Variants in TRIM52 observed in about 807,000 individuals in gnomAD.
TRIM52 encodes the protein tripartite motif containing 52.
Under a neutral mutation model 27.0 loss-of-function variants are expected in TRIM52, and 24 were observed. The ratio of observed to expected loss-of-function variants is 0.89; its 90% CI spans 0.64 to 1.25. The LOEUF (loss-of-function observed/expected upper bound fraction) is 1.25. Among genes scored for constraint, TRIM52 ranks in the 50% most tolerant of loss-of-function variants. The pLI is 0.00. For missense variants in TRIM52, 351 were observed against 354.7 expected, an observed-to-expected ratio of 0.99 and a Z score of 0.08; for synonymous variants, 125 against 126.5, an observed-to-expected ratio of 0.99 and a Z score of 0.08.
At chr5:181,250,301 C>G (rs1759609780), downstream of TRIM52, among the ~76,000 whole-genome samples, 1 of 152,030 alleles carries the variant, frequency 6.6e-6, no homozygotes, top group Non-Finnish European at 1.5e-5. Flanking sequence ...TTTGGGAGGC[C>G]AAGGCAGGTG....
At chr5:181,259,903 G>A in intron 1 of TRIM52, 98 bp downstream of exon 1, 2 of 1,593,210 alleles carry the variant, frequency 1.3e-6, no homozygotes, top group Non-Finnish European at 1.7e-6. Flanking sequence ...TAGCAACTAA[G>A]TACCTGAGGA....
At chr5:181,257,045 C>G (rs1759812062) in intron 1 of TRIM52, 186 bp from the exon 2 acceptor site, 2 of 994,480 alleles carry the variant, frequency 2.0e-6, no homozygotes, top group Non-Finnish European at 2.4e-6. Flanking sequence ...ATCCAGGCAT[C>G]CAGTTATGCC....
Position 181,260,048 on chromosome 5 carries a change from T to G in TRIM52, c.766A>C (p.Lys256Gln). 6.2e-7 allele frequency: 1 copy of G among 1,614,192 alleles called. No individual in the cohort carries two copies. Among genetic ancestry groups the G allele is most frequent in the Non-Finnish European group, 8.5e-7 (1 of 1,180,052 alleles). The change falls in exon 1 of 2, where the codon AAA becomes CAA. Residue 256 changes from lysine to glutamine, a missense_variant. Coordinates refer to ENST00000688015, the MANE Select transcript of TRIM52 (RefSeq NM_001346048.2). The surrounding 1 kb of genome is among the most constrained non-coding windows in gnomAD (Gnocchi z 4.4). ...CVVCRESRSH[K>Q]QHSVLPLEEV... ...TCCAAAGGCAGCACGCTGTGCTGTT[T>G]GTGGCTCCTGGATTCTCGGCACACC...
rs771897857 is a variant in TRIM52 at position 181,260,562 on chromosome 5, C to T, written c.252G>A (p.Glu84=). The T allele has an allele frequency of 6.2e-7, 1 of 1,614,028 alleles. No individual in the cohort carries two copies. The highest frequency in any genetic ancestry group is 8.5e-7 in the Non-Finnish European group (1 of 1,180,010). The stretch of plus-strand genomic sequence containing the variant: ...CGTCAGCATTCCCCCGATACAACAC[C>T]TCTCGAATGGAGCCGTCCCATCCAT... ...AMDGWDGSIR[E]VLYRGNADEE... is the part of the protein sequence containing the mutation. The change falls in exon 1 of 2, where the codon GAG becomes GAA. Residue 84 remains glutamate, a synonymous_variant. Transcript: ENST00000688015. This position sits in a 1 kb window ranked among gnomAD's most constrained non-coding sequence, Gnocchi z 4.4.
downstream of TRIM52, among the ~76,000 whole-genome samples, chr5:181,253,035 CTTT>C (rs537636866): frequency 1.5e-5 from 2 of 134,672 alleles, no homozygotes; most frequent in Non-Finnish European, 1.6e-5. Context: ...ACTCAGGGTA[CTTT>C]TTTTTTTTTT....
chr5:181,258,474 T>G (rs970954883), intron 1 of TRIM52: 14 of 152,180 alleles, frequency 9.2e-5, no homozygotes, highest in Admixed American at 2.6e-4. Context: ...AGGACATAAG[T>G]TTTTTCCATG....
At position 181,260,759 on chromosome 5, in the gene TRIM52, C is replaced by T. The variant is rs149302292; in HGVS notation, c.55G>A (p.Val19Met). 60 of 1,613,324 alleles carry T rather than the reference C, an allele frequency of 3.7e-5. No individual in the cohort carries two copies. Among genetic ancestry groups the T allele is most frequent in the Non-Finnish European group, 4.9e-5 (58 of 1,179,494 alleles). The change falls in exon 1 of 2, where the codon GTG becomes ATG. Residue 19 changes from valine (V) to methionine (M), a missense_variant. Transcript: ENST00000688015. This position sits in a 1 kb window ranked among gnomAD's most constrained non-coding sequence, Gnocchi z 4.4. ...SPMQTLQEEAVCAICLDYFKD... is the reference protein window; with the variant it reads ...SPMQTLQEEAMCAICLDYFKD... ...AAGTAATCCAAGCAGATGGCACACA[C>T]CGCTTCCTCCTGAAGGGTCTGCATG... is the stretch of plus-strand genomic sequence containing the variant.
rs1759796297 is a variant in TRIM52, at chr5:181,256,773, T to G, written c.*36A>C. The stretch of plus-strand genomic sequence containing the variant: ...GGGCTTTGCAGAACACTCCACTGTT[T>G]TTAATGGCATGAATTTAACAGTGTT... On this transcript the variant is annotated 3_prime_UTR_variant, in exon 2 of 2. Transcript: ENST00000688015. 1 of 980,380 alleles carries G rather than the reference T, an allele frequency of 1.0e-6. No homozygotes were observed. The highest frequency in any genetic ancestry group is 1.7e-5 in the African/African-American group (1 of 57,162). 60.7% of individuals were successfully genotyped at this position (980,380 alleles called of 1,614,324 possible).
Position 181,255,674 on chromosome 5 carries a change from A to C in TRIM52, c.*1135T>G, listed in dbSNP as rs1160550746. 1 of 152,220 alleles carries C rather than the reference A, an allele frequency of 6.6e-6. No homozygotes were observed. Among genetic ancestry groups the C allele is most frequent in the East Asian group, 1.9e-4 (1 of 5,206 alleles). The allele number at this position is 152,220 out of a possible 1,614,324, so 9.4% of individuals were successfully genotyped here. A position where few individuals can be genotyped will look rare whatever the true frequency, so the allele number is the denominator to read the frequency against. ...ACATTTTTAGCATTAGTTTGCTCAT[A>C]CATACATTTGCTATATTTTTATGGT... On this transcript the variant is annotated 3_prime_UTR_variant, in exon 2 of 2. Transcript: ENST00000688015.
At chr5:181,252,915 C>T (rs1369790541), downstream of TRIM52, among the ~76,000 whole-genome samples, 1 of 152,150 alleles carries the variant, frequency 6.6e-6, no homozygotes, top group Admixed American at 6.5e-5. Context: ...TCTTGTTCTC[C>T]CAAATCCAAG....
downstream of TRIM52, among the ~76,000 whole-genome samples, chr5:181,250,135 G>C (rs891036311): frequency 6.6e-6 from 1 of 152,142 alleles, no homozygotes; most frequent in African/African-American, 2.4e-5. Flanking sequence ...GCATTCTGTT[G>C]TCTGTTGGGG....
At chr5:181,251,831 T>A (rs1208804480), downstream of TRIM52, among the ~76,000 whole-genome samples, 1 of 152,198 alleles carries the variant, frequency 6.6e-6, no homozygotes, top group Non-Finnish European at 1.5e-5. Context: ...CAGGCTGCTC[T>A]CTCTTCCAGG....
At chr5:181,250,461 A>G (rs1263028287), downstream of TRIM52, among the ~76,000 whole-genome samples, 4 of 152,030 alleles carry the variant, frequency 2.6e-5, no homozygotes, top group East Asian at 3.9e-4. Flanking sequence ...ACTTGAACCC[A>G]GGAGGCAGAG....
chr5:181,255,477 C>A lies in TRIM52; in HGVS notation c.*1332G>T, dbSNP rs891555755. ...TTCACAAACTCCTCTTGAAGCTCTT[C>A]CAGTGAGGCCTGCACATCGGTATGA... On this transcript the variant is annotated 3_prime_UTR_variant, in exon 2 of 2. Coordinates refer to ENST00000688015, the MANE Select transcript of TRIM52 (RefSeq NM_001346048.2). 1 of 152,196 alleles carries A rather than the reference C, an allele frequency of 6.6e-6. No homozygotes were observed. Among genetic ancestry groups the A allele is most frequent in the African/African-American group, 2.4e-5 (1 of 41,456 alleles). 9.4% of individuals were successfully genotyped at this position (152,196 alleles called of 1,614,324 possible).
In TRIM52 at chr5:181,255,240, A is replaced by G. The variant is rs888776349; in HGVS notation, c.*1569T>C. On this transcript the variant is annotated 3_prime_UTR_variant, in exon 2 of 2. Transcript: ENST00000688015. ...TTTCCTGGGTGGTGTGAAAGGTGCA[A>G]GAAAACACAAGCTGCTTTTAATAAC... 3 of 152,250 alleles carry G rather than the reference A, an allele frequency of 2.0e-5. No homozygotes were observed. Among genetic ancestry groups the G allele is most frequent in the Admixed American group, 1.3e-4 (2 of 15,294 alleles). 9.4% of individuals were successfully genotyped at this position (152,250 alleles called of 1,614,324 possible). A position where few individuals can be genotyped will look rare whatever the true frequency, so the allele number is the denominator to read the frequency against.
At position 181,256,848 on chromosome 5, in the gene TRIM52, T is replaced by C. The variant is rs1759799661; in HGVS notation, c.825A>G (p.Ser275=). ...TTTCAGATAACTCAACTGAAGAAGT[T>C]GACCCTATCTTCTGCAAAATAACAT... The part of the protein sequence containing the change: ...EVVQEYQKIG[S]TSSVELSESV... The change falls in exon 2 of 2, where the codon TCA becomes TCG. Residue 275 remains serine (S), a synonymous_variant. Transcript: ENST00000688015. The C allele has an allele frequency of 1.0e-6, 1 of 985,368 alleles. No individual in the cohort carries two copies. The highest frequency in any genetic ancestry group is 6.2e-5 in the Admixed American group (1 of 16,256). The allele number at this position is 985,368 out of a possible 1,614,324, so 61.0% of individuals were successfully genotyped here.
chr5:181,250,678 C>T (rs921027545), downstream of TRIM52, among the ~76,000 whole-genome samples: 8 of 152,076 alleles, frequency 5.3e-5, no homozygotes, highest in African/African-American at 1.4e-4. Flanking sequence ...GGAGAGAGGA[C>T]GTCATATAAA....
At chr5:181,250,133 T>C (rs1459232362), downstream of TRIM52, among the ~76,000 whole-genome samples, 1 of 151,380 alleles carries the variant, frequency 6.6e-6, no homozygotes, top group Non-Finnish European at 1.5e-5. Context: ...AAGCATTCTG[T>C]TGTCTGTTGG....
In TRIM52 at chr5:181,256,847, T is replaced by C. The variant is rs571983256; in HGVS notation, c.826A>G (p.Thr276Ala). 4.1e-6 allele frequency: 4 copies of C among 985,486 alleles called. No homozygotes were observed. The African/African-American group carries it at 5.2e-5, about 13-fold the overall frequency. 61.0% of individuals were successfully genotyped at this position (985,486 alleles called of 1,614,324 possible). Residue 276 changes from threonine (T) to alanine (A), a missense_variant, in exon 2 of 2, where the codon ACT (threonine) becomes GCT (alanine). Physicochemically the swap from Thr to Ala is moderately conservative, Grantham distance 58. Transcript: ENST00000688015. ...CTTTCAGATAACTCAACTGAAGAAG[T>C]TGACCCTATCTTCTGCAAAATAACA... ...VVQEYQKIGSTSSVELSESVG... is the reference protein window; with the variant it reads ...VVQEYQKIGSASSVELSESVG...
Sources: allele counts gnomAD v4.1 joint callset (sites outside exome capture counted in the v4.1 genomes callset), GRCh38; gene constraint gnomAD v4.1.1; non-coding constraint Gnocchi (gnomAD v3.1); transcripts MANE v1.5; gene names NCBI Gene and HGNC (gene_info 2026-07-23, HGNC 2026-07-21).